MAP2K1: variants seen among roughly 807,000 people sequenced by gnomAD.
MAP2K1 encodes mitogen-activated protein kinase kinase 1.
In MAP2K1, 16 loss-of-function variants were observed where a neutral mutation model predicts 46.3. The observed-to-expected ratio is 0.35, with a 90% CI of 0.23 to 0.52. The LOEUF is 0.52. Among genes scored for constraint, MAP2K1 ranks in the 20% least tolerant of loss-of-function variants. The probability of loss-of-function intolerance (pLI) is 0.94; values close to 1 mark genes in which losing one functional copy is unlikely to be tolerated. For missense variants in MAP2K1, 263 were observed against 497.1 expected (o/e 0.53, Z 4.48); for synonymous variants, 183 against 185.6 (o/e 0.99, Z 0.11).
chr15:66,420,362 T>C (rs946741197), intron 1 of MAP2K1, among the ~76,000 whole-genome samples: 2 of 150,794 alleles, frequency 1.3e-5, no homozygotes, highest in Non-Finnish European at 3.0e-5. Flanking sequence ...AGCCCAGGAG[T>C]TTGAGACCAG....
rs142003917 is a variant in MAP2K1, at chr15:66,463,125, A to C, written c.568+18418A>C. On this transcript the variant is annotated intron_variant, in intron 5 of 10. Coordinates refer to ENST00000307102, the MANE Select transcript of MAP2K1 (RefSeq NM_002755.4). ...ATCCACCAACACTTATATAGTGTAC[A>C]TTGTGGGTGGGGCTCCTTCGGGTGA... Among the ~76,000 whole-genome samples the C allele has an allele frequency of 2.3e-3, 353 of 152,296 alleles. 1 individual carries two copies. The highest frequency in any genetic ancestry group is 7.6e-3 in the African/African-American group (318 of 41,578).
chr15:66,420,280 C>T (rs2093434776), intron 1 of MAP2K1, among the ~76,000 whole-genome samples: 1 of 149,586 alleles, frequency 6.7e-6, no homozygotes, highest in Non-Finnish European at 1.5e-5. Context: ...GAATGAATGC[C>T]TTTCAGCCGT....
intron 1 of MAP2K1, among the ~76,000 whole-genome samples, chr15:66,391,136 A>G (rs549680371): frequency 5.5e-4 from 81 of 147,572 alleles, no homozygotes; most frequent in African/African-American, 2.0e-3. Context: ...CAGTGATTCT[A>G]CCACCTCAGC....
intron 1 of MAP2K1, among the ~76,000 whole-genome samples, chr15:66,389,104 C>T (rs1474121820): frequency 6.6e-6 from 1 of 151,840 alleles, no homozygotes. Context: ...TGGGGTTTCT[C>T]CAAGTTGTTC....
chr15:66,432,621 G>GCCT (rs1231026761), intron 1 of MAP2K1, among the ~76,000 whole-genome samples: 1 of 152,280 alleles, frequency 6.6e-6, no homozygotes, highest in African/African-American at 2.4e-5. Context: ...TATGATTGAG[G>GCCT]CCTGGTGTGT....
Position 66,387,126 on chromosome 15 carries a change from T to TGC in MAP2K1, c.-216_-215dup, listed in dbSNP as rs141005341. On this transcript the variant is annotated 5_prime_UTR_variant, in exon 1 of 11. Transcript: ENST00000307102. ...CCTGCAGGGCAGCCTTTCGGCTCTC[T>TGC]GCGCGCGAAGCCGAGTCCCGGGCGG... 2,249 of 371,492 alleles carry TGC rather than the reference T, an allele frequency of 6.1e-3. 50 individuals are homozygous for TGC. Among genetic ancestry groups the TGC allele is most frequent in the African/African-American group, 0.047 (2,047 of 43,760 alleles). The allele number at this position is 371,492 out of a possible 1,614,324, so 23.0% of individuals were successfully genotyped here.
intron 5 of MAP2K1, among the ~76,000 whole-genome samples, chr15:66,448,350 C>CT (rs1391937269): frequency 6.6e-6 from 1 of 152,088 alleles, no homozygotes; most frequent in Non-Finnish European, 1.5e-5. Flanking sequence ...GTATGATGTG[C>CT]TAGACACTGG....
At chr15:66,469,499 T>TTTTTG (rs56084516) in intron 5 of MAP2K1, among the ~76,000 whole-genome samples, 1 of 142,454 alleles carries the variant, frequency 7.0e-6, no homozygotes, top group African/African-American at 2.6e-5. Flanking sequence ...TTTTTTTTTT[T>TTTTTG]GTTGAGGAAC....
At chr15:66,463,878 A>G (rs1014816504) in intron 5 of MAP2K1, among the ~76,000 whole-genome samples, 7 of 152,204 alleles carry the variant, frequency 4.6e-5, no homozygotes, top group African/African-American at 1.7e-4. Context: ...GGCCAGCTCA[A>G]AGCAGGGAGG....
intron 1 of MAP2K1, among the ~76,000 whole-genome samples, chr15:66,410,655 T>A (rs1320233522): frequency 6.6e-6 from 1 of 152,156 alleles, no homozygotes; most frequent in African/African-American, 2.4e-5. Context: ...AGTTCCAGTA[T>A]TCTACATTCT....
chr15:66,462,615 T>C (rs560508176), intron 5 of MAP2K1, among the ~76,000 whole-genome samples: 1 of 144,770 alleles, frequency 6.9e-6, no homozygotes, highest in African/African-American at 2.5e-5. Context: ...AAAAAAAAAA[T>C]TGGCTAAAAG....
chr15:66,395,560 A>G (rs1014295109), intron 1 of MAP2K1, among the ~76,000 whole-genome samples: 1 of 133,516 alleles, frequency 7.5e-6, no homozygotes, highest in Non-Finnish European at 1.6e-5. Context: ...GCCCTCCTCC[A>G]CTTTCTTGCA....
intron 1 of MAP2K1, among the ~76,000 whole-genome samples, chr15:66,389,261 A>G (rs1325399476): frequency 1.3e-5 from 2 of 152,202 alleles, no homozygotes; most frequent in Non-Finnish European, 2.9e-5. Flanking sequence ...ACTGAAAGTC[A>G]TGACTGTTGT....
intron 1 of MAP2K1, among the ~76,000 whole-genome samples, chr15:66,392,993 ACATCTTTGTTGTTT>A (rs1161184957): frequency 3.3e-5 from 5 of 152,122 alleles, no homozygotes; most frequent in African/African-American, 9.7e-5. Context: ...CTAGAATTAG[ACATCTTTGTTGTTT>A]CCCAACCCCT....
rs891212917 is a variant in MAP2K1 at position 66,436,920 on chromosome 15, G to A, written c.438+28G>A. Reference sequence around the variant, plus strand: ...ATGTGACACCCTCTCAGCCTCTGGAGCAATGGCCTTAAGAGTTGGGTGGCT... The same window carrying A: ...ATGTGACACCCTCTCAGCCTCTGGAACAATGGCCTTAAGAGTTGGGTGGCT... On this transcript the variant is annotated intron_variant, in intron 3 of 10. Transcript: ENST00000307102. 1.9e-6 allele frequency: 3 copies of A among 1,613,336 alleles called. No homozygotes were observed. In the Admixed American group the frequency reaches 5.0e-5, roughly 27 times the overall value.
At chr15:66,471,483 A>T (rs1371609000) in intron 5 of MAP2K1, among the ~76,000 whole-genome samples, 4 of 152,188 alleles carry the variant, frequency 2.6e-5, no homozygotes, top group Non-Finnish European at 5.9e-5. Context: ...TGATAGAGCT[A>T]GGATTCAAAC....
At chr15:66,480,360 G>A (rs1892884666) in intron 5 of MAP2K1, among the ~76,000 whole-genome samples, 9 of 152,174 alleles carry the variant, frequency 5.9e-5, no homozygotes. Context: ...AAAGTGCTGG[G>A]ATTATAGGTG....
At chr15:66,457,963 GAAA>G (rs35205995) in intron 5 of MAP2K1, among the ~76,000 whole-genome samples, 1 of 114,182 alleles carries the variant, frequency 8.8e-6, no homozygotes, top group East Asian at 2.5e-4. Flanking sequence ...GACTGTCTCA[GAAA>G]AAAAAAAAAA....
intron 1 of MAP2K1, among the ~76,000 whole-genome samples, chr15:66,432,732 A>G (rs2093477867): frequency 6.6e-6 from 1 of 152,232 alleles, no homozygotes; most frequent in Non-Finnish European, 1.5e-5. Flanking sequence ...AAGGTAAGAC[A>G]TTCGTTCTCT....
Sources: gnomAD v4.1 joint callset for allele counts (sites outside exome capture counted in the v4.1 genomes callset) on GRCh38, gnomAD v4.1.1 for gene constraint, MANE v1.5 for transcripts, NCBI Gene and HGNC (gene_info 2026-07-23, HGNC 2026-07-21) for gene names.